PPARG: variants seen among roughly 807,000 people sequenced by gnomAD.
PPARG encodes the protein peroxisome proliferator activated receptor gamma.
Under a neutral mutation model 39.2 loss-of-function variants are expected in PPARG, and 17 were observed. The ratio of observed to expected loss-of-function variants is 0.43; its 90% CI spans 0.30 to 0.65. The LOEUF is 0.65. Among genes scored for constraint, PPARG ranks in the 30% least tolerant of loss-of-function variants. The pLI, the probability that PPARG is intolerant of heterozygous loss-of-function variation, is 0.13. For synonymous variants in PPARG, 223 were observed against 215.7 expected (o/e 1.03, Z -0.30); for missense variants, 406 against 585.9 (o/e 0.69, Z 3.17).
intron 2 of PPARG, among the ~76,000 whole-genome samples, chr3:12,331,435 A>G (rs1169089951): frequency 6.6e-6 from 1 of 152,224 alleles, no homozygotes. Flanking sequence ...CCTGATTTAA[A>G]TGGAGAAAAG....
intron 2 of PPARG, among the ~76,000 whole-genome samples, chr3:12,318,054 A>G (rs1005191247): frequency 6.6e-6 from 1 of 152,082 alleles, no homozygotes; most frequent in African/African-American, 2.4e-5. Context: ...GCTCACTGCA[A>G]CTTCAAATTC....
chr3:12,431,053 G>T (rs925876897), intron 7 of PPARG, among the ~76,000 whole-genome samples: 9 of 152,084 alleles, frequency 5.9e-5, no homozygotes, highest in African/African-American at 2.2e-4. Flanking sequence ...GTTTTTAAAA[G>T]AAAATAAATA....
intron 7 of PPARG, among the ~76,000 whole-genome samples, chr3:12,426,187 T>C (rs2051439424): frequency 6.6e-6 from 1 of 152,230 alleles, no homozygotes; most frequent in African/African-American, 2.4e-5. Flanking sequence ...ATATATATTA[T>C]TGTTATCAGG....
At chr3:12,356,978 G>T (rs997528758) in intron 2 of PPARG, among the ~76,000 whole-genome samples, 2 of 152,036 alleles carry the variant, frequency 1.3e-5, no homozygotes, top group Non-Finnish European at 2.9e-5. Context: ...GCTGTTCATT[G>T]CTCCCTCTCT....
intron 2 of PPARG, among the ~76,000 whole-genome samples, chr3:12,358,246 C>T (rs1226081668): frequency 6.6e-6 from 1 of 152,100 alleles, no homozygotes; most frequent in Non-Finnish European, 1.5e-5. Context: ...TTGATACTTC[C>T]ATTATTTATT....
chr3:12,428,364 G>A (rs562616247), intron 7 of PPARG, among the ~76,000 whole-genome samples: 43 of 152,156 alleles, frequency 2.8e-4, no homozygotes, highest in Non-Finnish European at 5.7e-4. Flanking sequence ...CAGCCTCCTC[G>A]AGTGCTAAGT....
At chr3:12,407,050 C>T in intron 6 of PPARG, among the ~76,000 whole-genome samples, 1 of 152,142 alleles carries the variant, frequency 6.6e-6, no homozygotes. Context: ...TGACTGGAAA[C>T]TGAGAAAACA....
intron 2 of PPARG, among the ~76,000 whole-genome samples, chr3:12,332,640 A>C (rs2047894068): frequency 6.6e-6 from 1 of 152,192 alleles, no homozygotes; most frequent in South Asian, 2.1e-4. Flanking sequence ...TGTCATCCAA[A>C]TAGATTGTCT....
At chr3:12,431,255 A>T (rs2051649424) in intron 7 of PPARG, among the ~76,000 whole-genome samples, 3 of 152,214 alleles carry the variant, frequency 2.0e-5, no homozygotes, top group South Asian at 4.1e-4. Flanking sequence ...ATTTAAAAAC[A>T]TGCTTCTATA....
rs980965430 is a variant in PPARG, at chr3:12,316,531, G to A, written c.-9+4078G>A. ...AGAATGGTTACACAACATTGTGAGT[G>A]TACTTAATGCCATTGAATGCACACT... On this transcript the variant is annotated intron_variant, in intron 2 of 7. Transcript: ENST00000651735. Among the ~76,000 whole-genome samples the A allele has an allele frequency of 3.3e-5, 5 of 151,866 alleles. No individual in the cohort carries two copies. The East Asian group carries it at 9.6e-4, about 29-fold the overall frequency.
At chr3:12,339,441 A>C (rs2048111203) in intron 2 of PPARG, among the ~76,000 whole-genome samples, 1 of 152,236 alleles carries the variant, frequency 6.6e-6, no homozygotes, top group South Asian at 2.1e-4. Context: ...TGCACATTCA[A>C]AATGGTGAAC....
In PPARG at chr3:12,321,907, C is replaced by T. The variant is rs79564358; in HGVS notation, c.-9+9454C>T. 4.1e-4 allele frequency among the ~76,000 whole-genome samples: 63 copies of T among 152,340 alleles called. 1 individual carries two copies. The East Asian group carries it at 9.6e-3, about 23-fold the overall frequency. On this transcript the variant is annotated intron_variant, in intron 2 of 7. Transcript: ENST00000651735. Reference sequence around the variant, plus strand: ...AATACAATTCCTACCAAATATTATGCAAGTAATAAAATTGCAGTGTCATTG... The same window carrying T: ...AATACAATTCCTACCAAATATTATGTAAGTAATAAAATTGCAGTGTCATTG...
At chr3:12,298,158 G>A (rs970047756) in intron 1 of PPARG, among the ~76,000 whole-genome samples, 1 of 149,782 alleles carries the variant, frequency 6.7e-6, no homozygotes, top group African/African-American at 2.5e-5. Context: ...AATTAGCCGG[G>A]CGTAGTGGCG....
chr3:12,302,002 T>C (rs1458748935), intron 1 of PPARG, among the ~76,000 whole-genome samples: 1 of 152,200 alleles, frequency 6.6e-6, no homozygotes, highest in East Asian at 1.9e-4. Context: ...GAGATTATCA[T>C]CTGCGTGAGC....
chr3:12,368,256 A>G (rs1175065768), intron 2 of PPARG, among the ~76,000 whole-genome samples: 1 of 144,518 alleles, frequency 6.9e-6, no homozygotes, highest in Admixed American at 7.4e-5. Flanking sequence ...AACTCGGCTC[A>G]CTGCAACCTC....
intron 5 of PPARG, among the ~76,000 whole-genome samples, chr3:12,402,453 TGTTA>T (rs2125243600): frequency 6.6e-6 from 1 of 152,354 alleles, no homozygotes; most frequent in Non-Finnish European, 1.5e-5. Flanking sequence ...AAACATTTAT[TGTTA>T]ACCTACTATG....
chr3:12,375,608 A>G (rs1239679234), intron 2 of PPARG, among the ~76,000 whole-genome samples: 1 of 152,242 alleles, frequency 6.6e-6, no homozygotes, highest in Admixed American at 6.5e-5. Context: ...TACAGAAATG[A>G]AAATTAAGCC....
intron 2 of PPARG, among the ~76,000 whole-genome samples, chr3:12,345,253 C>T (rs561129288): frequency 3.3e-5 from 5 of 152,120 alleles, no homozygotes; most frequent in African/African-American, 7.2e-5. Context: ...AGAGAACATT[C>T]GTCAGCAAAA....
intron 4 of PPARG, 146 bp from the exon 5 acceptor site, chr3:12,392,468 A>T: frequency 1.2e-6 from 1 of 825,136 alleles, no homozygotes; most frequent in Non-Finnish European, 2.0e-6. Context: ...CAGAGAGGTT[A>T]AGTGACTTGT....
Sources: allele counts gnomAD v4.1 joint callset (sites outside exome capture counted in the v4.1 genomes callset), GRCh38; gene constraint gnomAD v4.1.1; transcripts MANE v1.5; gene names NCBI Gene and HGNC (gene_info 2026-07-23, HGNC 2026-07-21).